The following GSE1 variants were observed in gnomAD, a reference collection of about 807,000 sequenced individuals.
GSE1 encodes genetic suppressor element 1.
In GSE1, 32 loss-of-function variants were observed where a neutral mutation model predicts 112.6. The ratio of observed to expected loss-of-function variants is 0.28; its 90% CI spans 0.21 to 0.38. The LOEUF (loss-of-function observed/expected upper bound fraction) is 0.38, where lower values mean the gene tolerates loss of function less well. Ranked by LOEUF, GSE1 falls within the 10% of genes least tolerant of loss-of-function variation. GSE1 has a pLI of 1.00. For synonymous variants in GSE1, 1,115 were observed against 735.6 expected, an observed-to-expected ratio of 1.52 and a Z score of -8.35; for missense variants, 2,348 against 1,699.2, an observed-to-expected ratio of 1.38 and a Z score of -6.71.
At chr16:85,271,249 A>G (rs115428380) in intron 1 of GSE1, among the ~76,000 whole-genome samples, 2,018 of 152,210 alleles carry the variant, frequency 0.013, 48 homozygotes, top group African/African-American at 0.041. Flanking sequence ...ATCGAGTTCC[A>G]GTTGCCCACC....
chr16:85,375,559 GC>G (rs1209622096), intron 2 of GSE1, among the ~76,000 whole-genome samples: 4 of 152,234 alleles, frequency 2.6e-5, no homozygotes, highest in Admixed American at 2.0e-4. Context: ...CCTGCCTGGG[GC>G]CATGCAGGGC....
intron 1 of GSE1, chr16:85,593,803 G>C (rs948522801): frequency 4.6e-5 from 7 of 152,232 alleles, no homozygotes; most frequent in African/African-American, 1.7e-4. Context: ...TAATTGGTTT[G>C]GCCACAGCAA....
chr16:85,361,458 C>T (rs1391283498), intron 2 of GSE1, among the ~76,000 whole-genome samples: 1 of 152,250 alleles, frequency 6.6e-6, no homozygotes, highest in Admixed American at 6.5e-5. Flanking sequence ...CCCCGTCTCC[C>T]TCTTTCCAGG....
intron 2 of GSE1, among the ~76,000 whole-genome samples, chr16:85,550,873 G>A (rs534343133): frequency 2.0e-5 from 3 of 152,314 alleles, no homozygotes; most frequent in Non-Finnish European, 2.9e-5. Flanking sequence ...GCCGCATGCC[G>A]CCTCCTGGGA....
At chr16:85,260,872 T>G (rs1907614992) in intron 1 of GSE1, among the ~76,000 whole-genome samples, 4 of 152,356 alleles carry the variant, frequency 2.6e-5, no homozygotes, top group Admixed American at 2.0e-4. Flanking sequence ...AGGGAGTCCA[T>G]GGGTGGCCTC....
chr16:85,223,645 C>G (rs2075431780), intron 1 of GSE1, among the ~76,000 whole-genome samples: 1 of 151,974 alleles, frequency 6.6e-6, no homozygotes, highest in African/African-American at 2.4e-5. Context: ...CGCTCTGTCG[C>G]CCAGGCTGGA....
chr16:85,172,595 G>T (rs950804357), intron 1 of GSE1, among the ~76,000 whole-genome samples: 3 of 152,268 alleles, frequency 2.0e-5, no homozygotes, highest in African/African-American at 4.8e-5. Context: ...TGGGTCTGGG[G>T]AGGTAGATGT....
intron 1 of GSE1, among the ~76,000 whole-genome samples, chr16:85,583,759 G>GC (rs547237306): frequency 1.3e-4 from 20 of 152,176 alleles, no homozygotes; most frequent in South Asian, 4.1e-4. Flanking sequence ...GGCCTCACCC[G>GC]CCCCCCGTCC....
At chr16:85,371,118 TG>T (rs1757317721) in intron 2 of GSE1, among the ~76,000 whole-genome samples, 1 of 152,200 alleles carries the variant, frequency 6.6e-6, no homozygotes, top group Admixed American at 6.5e-5. Flanking sequence ...CCACCCTCGC[TG>T]CTCCGCCCCC....
chr16:85,605,717 G>A (rs1396510245), intron 1 of GSE1, among the ~76,000 whole-genome samples: 1 of 152,012 alleles, frequency 6.6e-6, no homozygotes, highest in Non-Finnish European at 1.5e-5. Context: ...TGCTGTCTGG[G>A]TGGTCATTGA....
intron 1 of GSE1, among the ~76,000 whole-genome samples, chr16:85,287,803 C>T (rs988753687): frequency 1.3e-5 from 2 of 152,172 alleles, no homozygotes; most frequent in Non-Finnish European, 2.9e-5. Flanking sequence ...CCTGCCCTCA[C>T]CCCTGCTGAA....
chr16:85,590,923 G>A (rs1465057986), intron 1 of GSE1, among the ~76,000 whole-genome samples: 1 of 151,616 alleles, frequency 6.6e-6, no homozygotes, highest in Non-Finnish European at 1.5e-5. Context: ...CGCACTCGGT[G>A]CTGACATGCG....
At chr16:85,625,264 C>G (rs577222345) in intron 1 of GSE1, among the ~76,000 whole-genome samples, 1 of 152,242 alleles carries the variant, frequency 6.6e-6, no homozygotes, top group African/African-American at 2.4e-5. Context: ...AGGATAATCG[C>G]GTCAAATGTT....
intron 1 of GSE1, among the ~76,000 whole-genome samples, chr16:85,604,763 A>T (rs1227256651): frequency 1.8e-3 from 11 of 5,964 alleles, no homozygotes; most frequent in African/African-American, 7.8e-3. Flanking sequence ...AAAAAAAAAA[A>T]AAAAAAAAAA....
At chr16:85,472,251 T>A (rs2050317819) in intron 2 of GSE1, among the ~76,000 whole-genome samples, 1 of 152,200 alleles carries the variant, frequency 6.6e-6, no homozygotes, top group Non-Finnish European at 1.5e-5. Context: ...AATGTATTAT[T>A]TGATAGCTTT....
intron 1 of GSE1, among the ~76,000 whole-genome samples, chr16:85,568,760 C>T (rs2045862761): frequency 2.0e-5 from 3 of 152,274 alleles, no homozygotes; most frequent in South Asian, 4.1e-4. Context: ...GAAGCTCGAC[C>T]AGGGCTGGGC....
chr16:85,234,838 A>C (rs570806018), intron 1 of GSE1, among the ~76,000 whole-genome samples: 1,559 of 152,234 alleles, frequency 0.01, 20 homozygotes, highest in African/African-American at 0.036. Flanking sequence ...CCGCCAGCGA[A>C]TACGGCCCAG....
intron 2 of GSE1, among the ~76,000 whole-genome samples, chr16:85,431,012 G>A (rs1057052741): frequency 2.6e-5 from 4 of 152,246 alleles, no homozygotes; most frequent in Non-Finnish European, 5.9e-5. Context: ...GCCCTGGGCT[G>A]AGGGTTTTTT....
intron 2 of GSE1, among the ~76,000 whole-genome samples, chr16:85,519,601 CCACCATCAT>C (rs1224412561): frequency 1.7e-4 from 25 of 148,992 alleles, no homozygotes; most frequent in East Asian, 1.4e-3. Context: ...ATCACCTTCA[CCACCATCAT>C]CACCATCACC....
Sources: allele counts gnomAD v4.1 joint callset (sites outside exome capture counted in the v4.1 genomes callset), GRCh38; gene constraint gnomAD v4.1.1; transcripts MANE v1.5; gene names NCBI Gene and HGNC (gene_info 2026-07-23, HGNC 2026-07-21).